The following MFHAS1 variants were observed in gnomAD, a reference collection of about 807,000 sequenced individuals.
The protein encoded by MFHAS1 is multifunctional ROCO family signaling regulator 1.
Under a neutral mutation model 70.4 loss-of-function variants are expected in MFHAS1, and 50 were observed. The observed-to-expected ratio is 0.71, with a 90% CI of 0.57 to 0.90. MFHAS1 has a LOEUF of 0.90. Ranked by LOEUF, MFHAS1 falls within the 40% of genes least tolerant of loss-of-function variation. The pLI is 0.00. For missense variants in MFHAS1, 1,795 were observed against 1,347.6 expected (o/e 1.33, Z -5.20); for synonymous variants, 952 against 620.0 (o/e 1.54, Z -7.96).
At chr8:8,889,230 C>A (rs1286313821) in intron 1 of MFHAS1, among the ~76,000 whole-genome samples, 2 of 152,078 alleles carry the variant, frequency 1.3e-5, no homozygotes, top group Non-Finnish European at 2.9e-5. Flanking sequence ...AAAAAACAAA[C>A]CTTAAGACGT....
chr8:8,856,517 G>A (rs569928102), intron 1 of MFHAS1, among the ~76,000 whole-genome samples: 1 of 152,202 alleles, frequency 6.6e-6, no homozygotes, highest in Non-Finnish European at 1.5e-5. Flanking sequence ...CATATCAGGT[G>A]AGGCTTTGGG....
At chr8:8,789,994 C>T (rs1320034062) in intron 2 of MFHAS1, among the ~76,000 whole-genome samples, 7 of 152,176 alleles carry the variant, frequency 4.6e-5, no homozygotes, top group Non-Finnish European at 7.3e-5. Flanking sequence ...CATCCCGGTA[C>T]TTTCCTGTGT....
At chr8:8,865,358 C>A (rs1398967585) in intron 1 of MFHAS1, among the ~76,000 whole-genome samples, 1 of 151,272 alleles carries the variant, frequency 6.6e-6, no homozygotes, top group Admixed American at 6.6e-5. Context: ...AAAAACCTAG[C>A]TCCACTTAGT....
At chr8:8,839,473 C>A (rs1807722600) in intron 1 of MFHAS1, among the ~76,000 whole-genome samples, 1 of 152,164 alleles carries the variant, frequency 6.6e-6, no homozygotes, top group Non-Finnish European at 1.5e-5. Flanking sequence ...GAACACTAGG[C>A]TGGAAATGAG....
Position 8,852,490 on chromosome 8 carries a change from CACAT to C in MFHAS1, c.2998+37567_2998+37570del, listed in dbSNP as rs1485971524. Among the ~76,000 whole-genome samples the C allele has an allele frequency of 9.2e-3, 659 of 71,818 alleles. 4 individuals are homozygous for C. The East Asian group carries it at 0.13, about 14-fold the overall frequency. 47.1% of individuals were successfully genotyped at this position (71,818 alleles called of 152,430 possible). On this transcript the variant is annotated intron_variant, in intron 1 of 2. Transcript: ENST00000276282. ...TCTCAAACACACACACACACACACA[CACAT>C]ACACACAAACACACACACCCACAAG...
At chr8:8,852,590 C>G (rs1046292418) in intron 1 of MFHAS1, among the ~76,000 whole-genome samples, 3 of 152,138 alleles carry the variant, frequency 2.0e-5, no homozygotes, top group African/African-American at 4.8e-5. Flanking sequence ...TATTTTATTT[C>G]TTTGCAAAAT....
chr8:8,893,617 G>C lies in MFHAS1; in HGVS notation c.-559C>G, dbSNP rs1810193461. 6.8e-6 allele frequency: 1 copy of C among 146,540 alleles called. No homozygotes were observed. Among genetic ancestry groups the C allele is most frequent in the African/African-American group, 2.5e-5 (1 of 40,744 alleles). The allele number at this position is 146,540 out of a possible 1,614,324, so 9.1% of individuals were successfully genotyped here. ...CGCGTCCCCGGCGCTGGGAGGGCGC[G>C]ATTGGGAAGCGGCAGCGCCGCCCGC... On this transcript the variant is annotated 5_prime_UTR_variant, in exon 1 of 3. It adds an upstream start codon to the 5' untranslated region. Transcript: ENST00000276282.
intron 1 of MFHAS1, among the ~76,000 whole-genome samples, chr8:8,837,214 A>G (rs1225632166): frequency 1.3e-5 from 2 of 152,240 alleles, no homozygotes; most frequent in Non-Finnish European, 2.9e-5. Context: ...GTTGAGCAAG[A>G]TCTTTATATA....
At chr8:8,853,649 C>T (rs1350123329) in intron 1 of MFHAS1, among the ~76,000 whole-genome samples, 2 of 152,172 alleles carry the variant, frequency 1.3e-5, no homozygotes, top group Non-Finnish European at 2.9e-5. Context: ...TCACTGCAAA[C>T]TCCGCCTCCA....
chr8:8,878,784 G>T (rs1251408338), intron 1 of MFHAS1, among the ~76,000 whole-genome samples: 1 of 152,094 alleles, frequency 6.6e-6, no homozygotes, highest in Non-Finnish European at 1.5e-5. Context: ...CTAATACAAT[G>T]TTAATAGCAT....
At chr8:8,846,266 GGGGGGGAAGGAGGAGGA>G (rs1363561466) in intron 1 of MFHAS1, among the ~76,000 whole-genome samples, 4 of 99,204 alleles carry the variant, frequency 4.0e-5, no homozygotes, top group Non-Finnish European at 6.7e-5. Context: ...AAAAAAGGGG[GGGGGGGAAGGAGGAGGA>G]GGGGGAGGAG....
At chr8:8,814,226 G>C (rs1004864694) in intron 1 of MFHAS1, among the ~76,000 whole-genome samples, 2 of 152,136 alleles carry the variant, frequency 1.3e-5, no homozygotes, top group African/African-American at 4.8e-5. Context: ...GCATGAGCCA[G>C]CATGCCTGGT....
At chr8:8,787,085 A>ATTT (rs371642880) in intron 2 of MFHAS1, among the ~76,000 whole-genome samples, 5,560 of 128,020 alleles carry the variant, frequency 0.043, 331 homozygotes, top group African/African-American at 0.15. Flanking sequence ...TATTATTATT[A>ATTT]TTTTTTTTTT....
At chr8:8,874,935 G>T (rs1269841297) in intron 1 of MFHAS1, among the ~76,000 whole-genome samples, 2 of 149,728 alleles carry the variant, frequency 1.3e-5, no homozygotes, top group African/African-American at 4.9e-5. Context: ...CCACCAAGAT[G>T]ATGCCAGAAG....
In MFHAS1 at chr8:8,892,315, C is replaced by T. The variant is rs766181952; in HGVS notation, c.744G>A (p.Glu248=). Reference sequence around the variant, plus strand: ...GCATGAGGCTCTCCAAACTGGCCAGCTCGCAGAAGCCGGCGGGCAGCGTGC... The same window carrying T: ...GCATGAGGCTCTCCAAACTGGCCAGTTCGCAGAAGCCGGCGGGCAGCGTGC... ...ELGTLPAGFC[E]LASLESLMLD... is the part of the protein sequence containing the mutation. Residue 248 remains glutamate (E), a synonymous_variant, in exon 1 of 3, where the codon GAG becomes GAA. Coordinates refer to ENST00000276282, the MANE Select transcript of MFHAS1 (RefSeq NM_004225.3). This position sits in a 1 kb window ranked among gnomAD's most constrained non-coding sequence, Gnocchi z 4.7. 6.2e-6 allele frequency: 10 copies of T among 1,612,382 alleles called. No individual in the cohort carries two copies. The South Asian group carries it at 7.7e-5, about 12-fold the overall frequency.
intron 1 of MFHAS1, among the ~76,000 whole-genome samples, chr8:8,826,053 T>C (rs932874004): frequency 6.6e-6 from 1 of 152,232 alleles, no homozygotes; most frequent in Admixed American, 6.5e-5. Flanking sequence ...TGGATAGTTG[T>C]CAGCTTCCTA....
intron 1 of MFHAS1, among the ~76,000 whole-genome samples, chr8:8,836,798 C>G (rs760390064): frequency 6.6e-5 from 10 of 152,168 alleles, no homozygotes; most frequent in Non-Finnish European, 1.5e-4. Flanking sequence ...TTTCTGCACA[C>G]AGGGGTCTAA....
rs149699024 is a variant in MFHAS1, at chr8:8,785,505, T to G, written c.*517A>C. ...CTCATGCAGAATATTGCACCCAGTG[T>G]GAACTAACGCTAGAAGCTTCAAACT... On this transcript the variant is annotated 3_prime_UTR_variant, in exon 3 of 3. Coordinates refer to ENST00000276282, the MANE Select transcript of MFHAS1 (RefSeq NM_004225.3). The G allele has an allele frequency of 6.5e-6, 1 of 153,358 alleles. No individual in the cohort carries two copies. The highest frequency in any genetic ancestry group is 1.5e-5 in the Non-Finnish European group (1 of 68,490). The allele number at this position is 153,358 out of a possible 1,614,324, so 9.5% of individuals were successfully genotyped here.
At position 8,893,206 on chromosome 8, in the gene MFHAS1, G is replaced by C. The variant is rs1005727991; in HGVS notation, c.-148C>G. The stretch of plus-strand genomic sequence containing the variant: ...GCGGGTCCTAGCGCAGCCAGCGGCC[G>C]AGCGCTGGCGGCTAGGGGGCGGCGG... On this transcript the variant is annotated 5_prime_UTR_variant, in exon 1 of 3. Coordinates refer to ENST00000276282, the MANE Select transcript of MFHAS1 (RefSeq NM_004225.3). 6 of 277,882 alleles carry C rather than the reference G, an allele frequency of 2.2e-5. No homozygotes were observed. Among genetic ancestry groups the C allele is most frequent in the African/African-American group, 1.1e-4 (5 of 43,676 alleles). The allele number at this position is 277,882 out of a possible 1,614,324, so 17.2% of individuals were successfully genotyped here. A position where few individuals can be genotyped will look rare whatever the true frequency, so the allele number is the denominator to read the frequency against.
Sources: gnomAD v4.1 joint callset for allele counts (sites outside exome capture counted in the v4.1 genomes callset) on GRCh38, gnomAD v4.1.1 for gene constraint, Gnocchi (gnomAD v3.1) non-coding constraint, MANE v1.5 for transcripts, NCBI Gene and HGNC (gene_info 2026-07-23, HGNC 2026-07-21) for gene names.